The following MRPL42 variants were observed in gnomAD, a reference collection of about 807,000 sequenced individuals.
MRPL42 encodes large ribosomal subunit protein mL42.
In MRPL42, 17 loss-of-function variants were observed where a neutral mutation model predicts 17.9. The observed-to-expected ratio is 0.95, with a 90% CI of 0.65 to 1.42. The LOEUF (loss-of-function observed/expected upper bound fraction) is 1.42. Ranked by LOEUF, MRPL42 falls within the 40% of genes most tolerant of loss-of-function variation. MRPL42 has a pLI of 0.00. For synonymous variants in MRPL42, 59 were observed against 54.4 expected (o/e 1.08, Z -0.37); for missense variants, 177 against 175.2 (o/e 1.01, Z -0.06).
intron 4 of MRPL42, among the ~76,000 whole-genome samples, chr12:93,482,166 T>G (rs1195787155): frequency 6.6e-6 from 1 of 152,214 alleles, no homozygotes; most frequent in Non-Finnish European, 1.5e-5. Flanking sequence ...TCAGAGCTTT[T>G]GTATTTCCTG....
At chr12:93,498,046 G>GAACACTCTTTCTCACAGT (rs1953538658) in intron 5 of MRPL42, among the ~76,000 whole-genome samples, 1 of 72,870 alleles carries the variant, frequency 1.4e-5, no homozygotes, top group Admixed American at 1.7e-4. Flanking sequence ...CTTTCTCACA[G>GAACACTCTTTCTCACAGT]TATCAGTAAA....
In MRPL42 at chr12:93,511,185, ATG is replaced by A. The variant is rs1336910484; in HGVS notation, c.*9966_*9967del. On this transcript the variant is annotated 3_prime_UTR_variant, in exon 6 of 6. Transcript: ENST00000549982. ...AATGAAGACATGGGAAAACCATAACATGTTATTTGCTGAGAAGTTCTGGCAAA... is the reference window on the plus strand; with the variant it reads ...AATGAAGACATGGGAAAACCATAACATTATTTGCTGAGAAGTTCTGGCAAA... 6.6e-6 allele frequency: 1 copy of A among 152,240 alleles called. No individual in the cohort carries two copies. Among genetic ancestry groups the A allele is most frequent in the African/African-American group, 2.4e-5 (1 of 41,468 alleles). 9.4% of individuals were successfully genotyped at this position (152,240 alleles called of 1,614,324 possible).
At chr12:93,487,411 T>C in intron 4 of MRPL42, 86 bp from the exon 5 acceptor site, 4 of 1,259,332 alleles carry the variant, frequency 3.2e-6, no homozygotes, top group Non-Finnish European at 3.3e-6. Context: ...AATTACTGAA[T>C]ATGGTAATTG....
At chr12:93,484,977 CACATATATATATATATATATATAT>C (rs1224193233) in intron 4 of MRPL42, among the ~76,000 whole-genome samples, 1,989 of 28,604 alleles carry the variant, frequency 0.07, 280 homozygotes, top group African/African-American at 0.16. Flanking sequence ...CACACACACA[CACATATATATATATATATATATAT>C]ATATATATAT....
Position 93,507,959 on chromosome 12 carries a change from T to G in MRPL42, c.*6738T>G, listed in dbSNP as rs1483137804. On this transcript the variant is annotated 3_prime_UTR_variant, in exon 6 of 6. Coordinates refer to ENST00000549982, the MANE Select transcript of MRPL42 (RefSeq NM_014050.4). ...AGAGCCCATCTGTAAAAAAAAAAATTTTTTGAGATGGAGTTTCGCCCTTGT... is the reference window on the plus strand; with the variant it reads ...AGAGCCCATCTGTAAAAAAAAAAATGTTTTGAGATGGAGTTTCGCCCTTGT... The G allele has an allele frequency of 6.6e-6, 1 of 152,304 alleles. No individual in the cohort carries two copies. The highest frequency in any genetic ancestry group is 1.9e-4 in the East Asian group (1 of 5,192). The allele number at this position is 152,304 out of a possible 1,614,324, so 9.4% of individuals were successfully genotyped here. A position where few individuals can be genotyped will look rare whatever the true frequency, so the allele number is the denominator to read the frequency against.
intron 5 of MRPL42, among the ~76,000 whole-genome samples, chr12:93,499,708 C>G (rs946045437): frequency 1.2e-4 from 18 of 152,056 alleles, no homozygotes; most frequent in African/African-American, 3.1e-4. Flanking sequence ...CTTACTGTTC[C>G]ATGTTAGTAT....
chr12:93,484,979 CATATATATATATATATATATATATATAT>C lies in MRPL42; in HGVS notation c.220-2496_220-2469del, dbSNP rs4020795. On this transcript the variant is annotated intron_variant, in intron 4 of 5. Transcript: ENST00000549982. ...TTTAAAAAACACACACACACACACACATATATATATATATATATATATATATATATATATATATATATATATATAAACA... is the reference window on the plus strand; with the variant it reads ...TTTAAAAAACACACACACACACACACATATATATATATATATATATAAACA... 6.2e-4 allele frequency among the ~76,000 whole-genome samples: 14 copies of C among 22,462 alleles called. 1 individual carries two copies. The highest frequency in any genetic ancestry group is 3.6e-3 in the East Asian group (3 of 838). The allele number at this position is 22,462 out of a possible 152,430, so 14.7% of individuals were successfully genotyped here. A position where few individuals can be genotyped will look rare whatever the true frequency, so the allele number is the denominator to read the frequency against.
chr12:93,512,272 T>G lies in MRPL42; in HGVS notation c.*11051T>G, dbSNP rs1466297500. 1 of 152,152 alleles carries G rather than the reference T, an allele frequency of 6.6e-6. No individual in the cohort carries two copies. The highest frequency in any genetic ancestry group is 1.5e-5 in the Non-Finnish European group (1 of 68,092). 9.4% of individuals were successfully genotyped at this position (152,152 alleles called of 1,614,324 possible). A position where few individuals can be genotyped will look rare whatever the true frequency, so the allele number is the denominator to read the frequency against. The stretch of plus-strand genomic sequence containing the variant: ...TTCGAGACCAGCCTGGCCAACATGG[T>G]GAAACCCCATCTCTACTAAAAATAC... On this transcript the variant is annotated 3_prime_UTR_variant, in exon 6 of 6. Transcript: ENST00000549982.
chr12:93,501,777 A>G lies in MRPL42; in HGVS notation c.*556A>G, dbSNP rs1355827150. On this transcript the variant is annotated 3_prime_UTR_variant, in exon 6 of 6. Transcript: ENST00000549982. ...ATAAATATGATTAATAAAAATGTGC[A>G]TGGCTTTCCTGAAGGAGATTTTTTA... 1 of 152,218 alleles carries G rather than the reference A, an allele frequency of 6.6e-6. No individual in the cohort carries two copies. The highest frequency in any genetic ancestry group is 1.5e-5 in the Non-Finnish European group (1 of 68,042). 9.4% of individuals were successfully genotyped at this position (152,218 alleles called of 1,614,324 possible).
At chr12:93,484,979 CATATATATATATATATATATAT>C (rs4020795) in intron 4 of MRPL42, among the ~76,000 whole-genome samples, 1,605 of 22,484 alleles carry the variant, frequency 0.071, 270 homozygotes, top group African/African-American at 0.17. Context: ...CACACACACA[CATATATATATATATATATATAT>C]ATATATATAT....
chr12:93,483,856 C>T (rs944550434), intron 4 of MRPL42, among the ~76,000 whole-genome samples: 8 of 152,122 alleles, frequency 5.3e-5, no homozygotes, highest in African/African-American at 1.2e-4. Flanking sequence ...ATATCGTGTA[C>T]AGCTATACAA....
intron 4 of MRPL42, among the ~76,000 whole-genome samples, chr12:93,483,708 G>A (rs1231055646): frequency 1.3e-5 from 2 of 151,800 alleles, no homozygotes; most frequent in Non-Finnish European, 2.9e-5. Context: ...TGTATGCTTA[G>A]GCTACACCAA....
intron 2 of MRPL42, among the ~76,000 whole-genome samples, chr12:93,471,144 A>G (rs1194463547): frequency 2.0e-5 from 3 of 152,160 alleles, no homozygotes; most frequent in Admixed American, 6.6e-5. Flanking sequence ...AGAATGCTCA[A>G]AAGTTTGCCA....
Position 93,476,938 on chromosome 12 carries a change from T to C in MRPL42, c.71-16T>C. The C allele has an allele frequency of 6.3e-7, 1 of 1,597,742 alleles. No homozygotes were observed. Among genetic ancestry groups the C allele is most frequent in the Non-Finnish European group, 8.6e-7 (1 of 1,168,992 alleles). Reference sequence around the variant, plus strand: ...CAAATTAACCAAATCTGTTTTACTGTTTGGGGTTTTTGCAGATGGAGCTTT... The same window carrying C: ...CAAATTAACCAAATCTGTTTTACTGCTTGGGGTTTTTGCAGATGGAGCTTT... On this transcript the variant is annotated splice_polypyrimidine_tract_variant and intron_variant, in intron 2 of 5. Transcript: ENST00000549982.
rs1953631107 is a variant in MRPL42, at chr12:93,503,705, A to G, written c.*2484A>G. On this transcript the variant is annotated 3_prime_UTR_variant, in exon 6 of 6. Transcript: ENST00000549982. ...AGCCTTATTTTTTTTTTTTAAGATA[A>G]TATTGTTAACATTTTGTATTTCTCT... 6.6e-6 allele frequency: 1 copy of G among 151,800 alleles called. No homozygotes were observed. The highest frequency in any genetic ancestry group is 2.1e-4 in the South Asian group (1 of 4,816). 9.4% of individuals were successfully genotyped at this position (151,800 alleles called of 1,614,324 possible). A position where few individuals can be genotyped will look rare whatever the true frequency, so the allele number is the denominator to read the frequency against.
chr12:93,476,685 T>G (rs546805552), intron 2 of MRPL42, among the ~76,000 whole-genome samples: 12 of 152,344 alleles, frequency 7.9e-5, no homozygotes, highest in African/African-American at 2.9e-4. Context: ...TGGTAGCCTT[T>G]CTGTGTGGCC....
rs1953694215 is a variant in MRPL42, at chr12:93,508,509, C to T, written c.*7288C>T. The T allele has an allele frequency of 1.3e-5, 2 of 152,238 alleles. No homozygotes were observed. Among genetic ancestry groups the T allele is most frequent in the Admixed American group, 6.5e-5 (1 of 15,278 alleles). 9.4% of individuals were successfully genotyped at this position (152,238 alleles called of 1,614,324 possible). On this transcript the variant is annotated 3_prime_UTR_variant, in exon 6 of 6. Coordinates refer to ENST00000549982, the MANE Select transcript of MRPL42 (RefSeq NM_014050.4). The stretch of plus-strand genomic sequence containing the variant: ...TCTCAGAACTGGCACAATATCACTT[C>T]ATAAGGCTATCTCAGATTCAAGGGA...
rs1254564271 is a variant in MRPL42 at position 93,501,747 on chromosome 12, G to A, written c.*526G>A. On this transcript the variant is annotated 3_prime_UTR_variant, in exon 6 of 6. Coordinates refer to ENST00000549982, the MANE Select transcript of MRPL42 (RefSeq NM_014050.4). ...TTTAATCATCAGCCAAGCATTGTTA[G>A]TAGTATAAATATGATTAATAAAAAT... is the stretch of plus-strand genomic sequence containing the variant. 1 of 152,138 alleles carries A rather than the reference G, an allele frequency of 6.6e-6. No individual in the cohort carries two copies. The highest frequency in any genetic ancestry group is 1.5e-5 in the Non-Finnish European group (1 of 68,038). The allele number at this position is 152,138 out of a possible 1,614,324, so 9.4% of individuals were successfully genotyped here. A position where few individuals can be genotyped will look rare whatever the true frequency, so the allele number is the denominator to read the frequency against.
In MRPL42 at chr12:93,508,774, T is replaced by C. The variant is rs947973823; in HGVS notation, c.*7553T>C. The C allele has an allele frequency of 1.3e-5, 2 of 152,230 alleles. No individual in the cohort carries two copies. The highest frequency in any genetic ancestry group is 1.9e-4 in the East Asian group (1 of 5,202). The allele number at this position is 152,230 out of a possible 1,614,324, so 9.4% of individuals were successfully genotyped here. On this transcript the variant is annotated 3_prime_UTR_variant, in exon 6 of 6. Transcript: ENST00000549982. The stretch of plus-strand genomic sequence containing the variant: ...GTAAGCAGCCCCGAACACTTACTTA[T>C]AAGCCATCTCTACCTGAATTAGCAA...
Sources: gnomAD v4.1 joint callset for allele counts (sites outside exome capture counted in the v4.1 genomes callset) on GRCh38, gnomAD v4.1.1 for gene constraint, MANE v1.5 for transcripts, NCBI Gene and HGNC (gene_info 2026-07-23, HGNC 2026-07-21) for gene names.